The following PCSK5 variants were observed in gnomAD, a reference collection of about 807,000 sequenced individuals.
PCSK5 encodes the protein prohormone convertase 5.
A neutral mutation model predicts 233.2 loss-of-function variants in PCSK5; 129 were observed. The observed-to-expected ratio is 0.55, with a 90% CI of 0.48 to 0.64. PCSK5 has a LOEUF of 0.64. Among genes scored for constraint, PCSK5 ranks in the 30% least tolerant of loss-of-function variants. The pLI is 0.00. For missense variants in PCSK5, 2,076 were observed against 2,430.1 expected (o/e 0.85, Z 3.06); for synonymous variants, 825 against 879.2 (o/e 0.94, Z 1.09).
chr9:75,983,322 T>C (rs2131387344), intron 2 of PCSK5, among the ~76,000 whole-genome samples: 1 of 152,294 alleles, frequency 6.6e-6, no homozygotes, highest in African/African-American at 2.4e-5. Flanking sequence ...TTGCCCCATG[T>C]GTAGTGTCAG....
chr9:76,049,411 A>G (rs915292684), intron 5 of PCSK5, among the ~76,000 whole-genome samples: 1 of 152,228 alleles, frequency 6.6e-6, no homozygotes, highest in African/African-American at 2.4e-5. Context: ...GTGAGTGGAA[A>G]TGGCCCTGAT....
chr9:75,924,370 C>T (rs1022127140), intron 1 of PCSK5, among the ~76,000 whole-genome samples: 2 of 152,096 alleles, frequency 1.3e-5, no homozygotes, highest in South Asian at 2.1e-4. Flanking sequence ...AAAAAAATAG[C>T]TTTTTTGTCA....
intron 26 of PCSK5, among the ~76,000 whole-genome samples, chr9:76,296,435 C>G (rs1005178809): frequency 2.6e-5 from 4 of 152,074 alleles, no homozygotes; most frequent in Non-Finnish European, 4.4e-5. Context: ...CCCGGTCACT[C>G]AAGAGGCTGA....
chr9:76,223,560 C>T (rs1825795228), intron 20 of PCSK5, among the ~76,000 whole-genome samples: 1 of 152,080 alleles, frequency 6.6e-6, no homozygotes, highest in Admixed American at 6.6e-5. Context: ...GGTAGCATTC[C>T]TCTCCAAGTG....
chr9:76,186,855 G>A (rs747297107), intron 17 of PCSK5, among the ~76,000 whole-genome samples: 6 of 152,000 alleles, frequency 3.9e-5, no homozygotes, highest in Admixed American at 1.3e-4. Flanking sequence ...AAATGACAGC[G>A]CTCTCTCTCT....
At chr9:76,316,764 A>T (rs1313188020) in intron 30 of PCSK5, among the ~76,000 whole-genome samples, 1 of 140,654 alleles carries the variant, frequency 7.1e-6, no homozygotes, top group African/African-American at 2.6e-5. Context: ...AAAAAAAAAA[A>T]AAAAGAATGT....
intron 2 of PCSK5, among the ~76,000 whole-genome samples, chr9:75,942,419 G>T (rs1185442119): frequency 6.6e-6 from 1 of 152,206 alleles, no homozygotes; most frequent in Non-Finnish European, 1.5e-5. Context: ...TTTCTCTTTG[G>T]TCTGATGCTC....
At chr9:76,005,708 G>C (rs1014268697) in intron 3 of PCSK5, among the ~76,000 whole-genome samples, 7 of 152,130 alleles carry the variant, frequency 4.6e-5, no homozygotes, top group African/African-American at 1.7e-4. Context: ...GCAGTAGATT[G>C]CTCATTCCAA....
intron 1 of PCSK5, among the ~76,000 whole-genome samples, chr9:75,911,384 C>G (rs1822731730): frequency 6.6e-6 from 1 of 151,920 alleles, no homozygotes; most frequent in Non-Finnish European, 1.5e-5. Flanking sequence ...TCATTTCTTT[C>G]ACTTGTGAGT....
chr9:76,167,605 C>T (rs1823139695), intron 12 of PCSK5, among the ~76,000 whole-genome samples: 1 of 152,166 alleles, frequency 6.6e-6, no homozygotes, highest in Admixed American at 6.5e-5. Context: ...ATCCTGCTGG[C>T]ATTTTAGAAA....
In PCSK5 at chr9:76,310,846, C is replaced by T. The variant is rs1389169210; in HGVS notation, c.3879C>T (p.Cys1293=). The T allele has an allele frequency of 1.3e-6, 2 of 1,584,014 alleles. No homozygotes were observed. The highest frequency in any genetic ancestry group is 1.4e-5 in the African/African-American group (1 of 73,842). The change falls in exon 30 of 38, where the codon TGC becomes TGT. Residue 1293 remains cysteine (C), a synonymous_variant. Transcript: ENST00000674117. ...FLHEGRCYSK[C]PEGSYAEDGI... ...ATGAAGGCAGGTGCTACTCCAAGTGCCCGGAGTAAGTTTCCTTTTTAATTT... is the reference window on the plus strand; with the variant it reads ...ATGAAGGCAGGTGCTACTCCAAGTGTCCGGAGTAAGTTTCCTTTTTAATTT...
At position 76,308,694 on chromosome 9, in the gene PCSK5, T is replaced by G. The variant is rs1467247063; in HGVS notation, c.3654T>G (p.Asn1218Lys). ...QPCHSSCKTC[N>K]GSATLCTSCP... ...GTCATTCTTCTTGTAAAACCTGCAA[T>G]GGATCTGCAACTCTGTGCACTTCAT... Residue 1218 changes from asparagine to lysine, a missense_variant, in exon 29 of 38, where the codon AAT becomes AAG. Asn to Lys is a moderately conservative substitution (Grantham distance 94). Transcript: ENST00000674117. The G allele has an allele frequency of 6.2e-7, 1 of 1,610,980 alleles. No homozygotes were observed. Among genetic ancestry groups the G allele is most frequent in the South Asian group, 1.1e-5 (1 of 91,018 alleles).
intron 35 of PCSK5, among the ~76,000 whole-genome samples, chr9:76,341,230 C>T (rs75694117): frequency 2.0e-5 from 3 of 150,232 alleles, no homozygotes; most frequent in Non-Finnish European, 4.4e-5. Flanking sequence ...GCCTCAAAAA[C>T]AAAAAAAAAG....
chr9:76,165,133 C>T (rs1823036894), intron 12 of PCSK5, among the ~76,000 whole-genome samples: 1 of 152,050 alleles, frequency 6.6e-6, no homozygotes, highest in African/African-American at 2.4e-5. Context: ...AAACCAAAAA[C>T]TCAACTACAG....
At position 76,199,171 on chromosome 9, in the gene PCSK5, CACTT is replaced by C. The variant is rs528472260; in HGVS notation, c.2626+9428_2626+9431del. The stretch of plus-strand genomic sequence containing the variant: ...GTCATCATGCAAACATCATAGAACA[CACTT>C]ACACAAACCTAGATGGCATAGCCTA... On this transcript the variant is annotated intron_variant, in intron 20 of 37. Transcript: ENST00000674117. 4.6e-5 allele frequency among the ~76,000 whole-genome samples: 7 copies of C among 152,276 alleles called. No individual in the cohort carries two copies. The South Asian group carries it at 1.4e-3, about 32-fold the overall frequency.
intron 5 of PCSK5, among the ~76,000 whole-genome samples, chr9:76,027,992 T>C (rs1828500236): frequency 6.6e-6 from 1 of 152,184 alleles, no homozygotes; most frequent in Admixed American, 6.5e-5. Flanking sequence ...AGTCAGTAAG[T>C]TTAGATAAAA....
intron 30 of PCSK5, among the ~76,000 whole-genome samples, chr9:76,320,578 A>G (rs1405461928): frequency 1.4e-5 from 2 of 145,908 alleles, no homozygotes; most frequent in African/African-American, 5.1e-5. Flanking sequence ...GGTTCAAGCA[A>G]TTCTCCTGTC....
At chr9:76,034,769 G>A (rs899703554) in intron 5 of PCSK5, among the ~76,000 whole-genome samples, 2 of 152,176 alleles carry the variant, frequency 1.3e-5, no homozygotes, top group African/African-American at 4.8e-5. Flanking sequence ...GTAGGAAATA[G>A]AAAGGCAAGA....
intron 2 of PCSK5, among the ~76,000 whole-genome samples, chr9:75,943,144 C>G (rs1824399263): frequency 6.6e-6 from 1 of 152,110 alleles, no homozygotes; most frequent in South Asian, 2.1e-4. Flanking sequence ...CTCTGCCTCC[C>G]AAAGTGCTGG....
Sources: allele counts gnomAD v4.1 joint callset (sites outside exome capture counted in the v4.1 genomes callset), GRCh38; gene constraint gnomAD v4.1.1; transcripts MANE v1.5; gene names NCBI Gene and HGNC (gene_info 2026-07-23, HGNC 2026-07-21).